Variants in KCNAB1 observed in about 807,000 individuals in gnomAD.
KCNAB1 encodes the protein voltage-gated potassium channel subunit beta-1.
In KCNAB1, 35 loss-of-function variants were observed where a neutral mutation model predicts 64.6. That is an observed-to-expected ratio of 0.54 (90% CI 0.41 to 0.72). KCNAB1 has a LOEUF of 0.72. KCNAB1 is among the 30% of genes least tolerant of loss of function. The pLI is 0.00. For missense variants in KCNAB1, 401 were observed against 512.9 expected (o/e 0.78, Z 2.11); for synonymous variants, 177 against 183.8 (o/e 0.96, Z 0.30).
chr3:156,267,818 A>G (rs1348746817), intron 1 of KCNAB1, among the ~76,000 whole-genome samples: 3 of 152,128 alleles, frequency 2.0e-5, no homozygotes, highest in Non-Finnish European at 4.4e-5. Flanking sequence ...ATATTTTGAT[A>G]CAGGCATGCA....
At chr3:156,262,142 A>G (rs551625134) in intron 1 of KCNAB1, among the ~76,000 whole-genome samples, 262 of 152,086 alleles carry the variant, frequency 1.7e-3, no homozygotes, top group Non-Finnish European at 2.9e-3. Context: ...TCATCTATGA[A>G]TAAAAACAGT....
At chr3:156,310,842 A>G (rs1295931801) in intron 1 of KCNAB1, among the ~76,000 whole-genome samples, 2 of 152,150 alleles carry the variant, frequency 1.3e-5, no homozygotes, top group Non-Finnish European at 2.9e-5. Flanking sequence ...CTATCAGCTT[A>G]TCTCATAAAG....
chr3:156,209,204 G>A lies in KCNAB1; in HGVS notation c.275+88318G>A, dbSNP rs567180716. Among the ~76,000 whole-genome samples the A allele has an allele frequency of 2.3e-3, 356 of 152,308 alleles. 2 individuals carry two copies. Among genetic ancestry groups the A allele is most frequent in the African/African-American group, 7.8e-3 (326 of 41,574 alleles). On this transcript the variant is annotated intron_variant, in intron 1 of 13. Transcript: ENST00000490337. Reference sequence around the variant, plus strand: ...ACAGTTTGGCTTGGTGGAAAGAGGGGCAAGAGCCAGGGAATGCTTCTGGAA... The same window carrying A: ...ACAGTTTGGCTTGGTGGAAAGAGGGACAAGAGCCAGGGAATGCTTCTGGAA...
intron 2 of KCNAB1, among the ~76,000 whole-genome samples, chr3:156,422,150 A>G (rs1027974115): frequency 6.6e-6 from 1 of 152,242 alleles, no homozygotes; most frequent in Non-Finnish European, 1.5e-5. Flanking sequence ...GTACATTAAT[A>G]TGCATTAATA....
In KCNAB1 at chr3:156,448,106, T is replaced by A. The variant is rs78567183; in HGVS notation, c.320-4793T>A. On this transcript the variant is annotated intron_variant, in intron 2 of 13. Coordinates refer to ENST00000490337, the MANE Select transcript of KCNAB1 (RefSeq NM_172160.3). ...ACTCCAAGGAACCTAACACAGGTTT[T>A]CAAAGCAAATATTCCTTGGTCCATA... 6.7e-3 allele frequency among the ~76,000 whole-genome samples: 1,026 copies of A among 152,356 alleles called. 14 individuals are homozygous for A. The highest frequency in any genetic ancestry group is 0.024 in the African/African-American group (988 of 41,598).
chr3:156,455,461 C>A (rs1176906035), intron 3 of KCNAB1, among the ~76,000 whole-genome samples: 1 of 152,068 alleles, frequency 6.6e-6, no homozygotes, highest in African/African-American at 2.4e-5. Flanking sequence ...TTGGCTTCAT[C>A]AAAAAATAAA....
intron 1 of KCNAB1, among the ~76,000 whole-genome samples, chr3:156,199,471 G>T (rs770032065): frequency 1.2e-4 from 19 of 152,060 alleles, no homozygotes; most frequent in Non-Finnish European, 1.9e-4. Flanking sequence ...TGTAGCTTTG[G>T]TCTTTTCACA....
intron 7 of KCNAB1, among the ~76,000 whole-genome samples, chr3:156,470,641 T>C (rs141689776): frequency 3.8e-4 from 58 of 152,364 alleles, no homozygotes; most frequent in African/African-American, 1.3e-3. Flanking sequence ...GACTCTACAT[T>C]TGCCTTTCAG....
chr3:156,274,827 A>G (rs771960725), intron 1 of KCNAB1, among the ~76,000 whole-genome samples: 83 of 152,326 alleles, frequency 5.4e-4, no homozygotes, highest in Middle Eastern at 3.4e-3. Flanking sequence ...TAATTAACAT[A>G]TTTGTCATCT....
intron 1 of KCNAB1, among the ~76,000 whole-genome samples, chr3:156,276,815 A>C (rs888218266): frequency 1.3e-5 from 2 of 152,102 alleles, no homozygotes; most frequent in Non-Finnish European, 2.9e-5. Context: ...TTGATCTTCT[A>C]TCCAAACCGC....
At chr3:156,187,186 G>A (rs535345438) in intron 1 of KCNAB1, among the ~76,000 whole-genome samples, 1 of 152,220 alleles carries the variant, frequency 6.6e-6, no homozygotes, top group Admixed American at 6.5e-5. Flanking sequence ...CTTTGAATGA[G>A]TTCTCTTTCA....
chr3:156,428,832 T>G (rs765842307), intron 2 of KCNAB1, among the ~76,000 whole-genome samples: 14 of 152,148 alleles, frequency 9.2e-5, no homozygotes, highest in Non-Finnish European at 1.9e-4. Context: ...ACCTAAGCAG[T>G]GAAGGAGAGA....
rs547713389 is a variant in KCNAB1, at chr3:156,437,157, TAAG to T, written c.319+15502_319+15504del. 3.2e-3 allele frequency among the ~76,000 whole-genome samples: 491 copies of T among 152,330 alleles called. 2 individuals are homozygous for T. The highest frequency in any genetic ancestry group is 5.2e-3 in the Non-Finnish European group (354 of 68,030). On this transcript the variant is annotated intron_variant, in intron 2 of 13. Coordinates refer to ENST00000490337, the MANE Select transcript of KCNAB1 (RefSeq NM_172160.3). ...GCAATTTATATAAGCAGTGTAAATT[TAAG>T]AAGGATTGGTCTTTTATTCAGGGGG...
intron 2 of KCNAB1, among the ~76,000 whole-genome samples, chr3:156,425,267 C>T (rs1217887828): frequency 2.6e-5 from 4 of 152,196 alleles, no homozygotes; most frequent in Non-Finnish European, 5.9e-5. Context: ...TTAAAGCTAA[C>T]AATTCTGACT....
chr3:156,341,726 GA>G (rs1197992642), intron 1 of KCNAB1, among the ~76,000 whole-genome samples: 3 of 152,022 alleles, frequency 2.0e-5, no homozygotes, highest in Non-Finnish European at 4.4e-5. Flanking sequence ...AATATAGAAA[GA>G]AATATATTTT....
At chr3:156,319,592 T>G (rs1318118582) in intron 1 of KCNAB1, among the ~76,000 whole-genome samples, 2 of 152,242 alleles carry the variant, frequency 1.3e-5, no homozygotes, top group African/African-American at 4.8e-5. Context: ...TGAACAGTGC[T>G]GTTGATTACC....
chr3:156,329,041 G>A (rs1020474456), intron 1 of KCNAB1, among the ~76,000 whole-genome samples: 1 of 151,886 alleles, frequency 6.6e-6, no homozygotes, highest in African/African-American at 2.4e-5. Flanking sequence ...GTTACAGTGC[G>A]GTTTAAAAAA....
At chr3:156,430,087 C>G (rs1716102158) in intron 2 of KCNAB1, among the ~76,000 whole-genome samples, 1 of 152,124 alleles carries the variant, frequency 6.6e-6, no homozygotes, top group African/African-American at 2.4e-5. Context: ...GAATTGCTGA[C>G]AAAAAGAAAG....
chr3:156,317,777 T>C (rs558101533), intron 1 of KCNAB1, among the ~76,000 whole-genome samples: 2 of 152,314 alleles, frequency 1.3e-5, no homozygotes, highest in South Asian at 2.1e-4. Context: ...TCAGTTCCCA[T>C]TGGAGCTGAA....
Sources: allele counts gnomAD v4.1 joint callset (sites outside exome capture counted in the v4.1 genomes callset), GRCh38; gene constraint gnomAD v4.1.1; transcripts MANE v1.5; gene names NCBI Gene and HGNC (gene_info 2026-07-23, HGNC 2026-07-21).